Variants in SLCO2A1 observed in about 807,000 individuals in gnomAD.
SLCO2A1 encodes matrin F/G 1.
SLCO2A1 carries 60 observed loss-of-function variants against 71.7 expected under a neutral mutation model. The observed-to-expected ratio is 0.84, with a 90% CI of 0.68 to 1.04. The LOEUF (loss-of-function observed/expected upper bound fraction) is 1.04. Ranked by LOEUF, SLCO2A1 falls within the 50% of genes least tolerant of loss-of-function variation. The pLI is 0.00. For missense variants in SLCO2A1, 745 were observed against 813.4 expected, an observed-to-expected ratio of 0.92 and a Z score of 1.02; for synonymous variants, 308 against 326.7, an observed-to-expected ratio of 0.94 and a Z score of 0.62.
At chr3:134,023,485 T>G (rs932334973) in intron 1 of SLCO2A1, among the ~76,000 whole-genome samples, 1 of 152,194 alleles carries the variant, frequency 6.6e-6, no homozygotes, top group East Asian at 1.9e-4. Context: ...AGTAGGACCA[T>G]TTAATCTGGG....
intron 1 of SLCO2A1, among the ~76,000 whole-genome samples, chr3:134,008,367 T>A (rs1379869639): frequency 6.6e-6 from 1 of 152,148 alleles, no homozygotes; most frequent in East Asian, 1.9e-4. Flanking sequence ...AGGAGGTCAA[T>A]AAGAATAAAT....
At chr3:133,983,211 C>T (rs1403007672) in intron 1 of SLCO2A1, among the ~76,000 whole-genome samples, 1 of 152,124 alleles carries the variant, frequency 6.6e-6, no homozygotes, top group African/African-American at 2.4e-5. Flanking sequence ...TCCCTTGAGA[C>T]CCTTAGTACC....
At chr3:134,018,935 C>T (rs1037429215) in intron 1 of SLCO2A1, among the ~76,000 whole-genome samples, 1 of 152,160 alleles carries the variant, frequency 6.6e-6, no homozygotes, top group Admixed American at 6.5e-5. Context: ...ACATAAAACC[C>T]ACCTGAAAGC....
Position 133,948,967 on chromosome 3 carries a change from G to T in SLCO2A1, c.866C>A (p.Ala289Asp), listed in dbSNP as rs146348259. Residue 289 changes from alanine to aspartate, a missense_variant, in exon 7 of 14, where the codon GCT (alanine) becomes GAT (aspartate). By Grantham distance (126) the Ala-to-Asp change is moderately radical. Transcript: ENST00000310926. ...PRAMPIGAKR[A>D]PATADEARKL... ...CCTTGCTTCATCTGCTGTGGCAGGAGCCCTCTGAAGGCAATAAAAGGGGTG... is the reference window on the plus strand; with the variant it reads ...CCTTGCTTCATCTGCTGTGGCAGGATCCCTCTGAAGGCAATAAAAGGGGTG... 1 of 1,613,918 alleles carries T rather than the reference G, an allele frequency of 6.2e-7. No homozygotes were observed. The highest frequency in any genetic ancestry group is 1.3e-5 in the African/African-American group (1 of 75,026).
chr3:134,025,831 G>A lies in SLCO2A1; in HGVS notation c.96+3876C>T, dbSNP rs190219054. Among the ~76,000 whole-genome samples, 121 of 152,258 alleles carry A rather than the reference G, an allele frequency of 7.9e-4. 1 individual carries two copies. Among genetic ancestry groups the A allele is most frequent in the African/African-American group, 2.6e-3 (106 of 41,544 alleles). On this transcript the variant is annotated intron_variant, in intron 1 of 13. Coordinates refer to ENST00000310926, the MANE Select transcript of SLCO2A1 (RefSeq NM_005630.3). ...ATCAATGGGGCTGGACTGGATCCTC[G>A]AGTAAATATCTTGGTTTGAAGAGAA...
intron 1 of SLCO2A1, among the ~76,000 whole-genome samples, chr3:134,027,503 G>GC (rs1040851580): frequency 3.3e-5 from 5 of 152,210 alleles, no homozygotes; most frequent in African/African-American, 9.7e-5. Context: ...AGAGTTGTGA[G>GC]CCCTTAAAAA....
At chr3:133,978,909 T>C (rs1934520228) in intron 2 of SLCO2A1, among the ~76,000 whole-genome samples, 1 of 152,174 alleles carries the variant, frequency 6.6e-6, no homozygotes, top group Non-Finnish European at 1.5e-5. Context: ...CACTGAGGGA[T>C]GGCAGGAAAT....
chr3:134,004,382 T>C (rs1168168897), intron 1 of SLCO2A1, among the ~76,000 whole-genome samples: 1 of 152,258 alleles, frequency 6.6e-6, no homozygotes, highest in Non-Finnish European at 1.5e-5. Flanking sequence ...TCGCCCAGGC[T>C]GGAGTGCAAT....
intron 11 of SLCO2A1, among the ~76,000 whole-genome samples, chr3:133,939,905 T>A (rs1933370989): frequency 6.6e-6 from 1 of 151,708 alleles, no homozygotes; most frequent in Non-Finnish European, 1.5e-5. Flanking sequence ...TGTGTTCCCA[T>A]GGCTAATTGG....
chr3:134,017,966 G>C lies in SLCO2A1; in HGVS notation c.96+11741C>G, dbSNP rs146422347. ...AAGACAGTGATCAGAAAGAGGTGAG[G>C]TGAAATGAGCTATCTATACTGCGAA... On this transcript the variant is annotated intron_variant, in intron 1 of 13. Coordinates refer to ENST00000310926, the MANE Select transcript of SLCO2A1 (RefSeq NM_005630.3). Among the ~76,000 whole-genome samples the C allele has an allele frequency of 1.1e-4, 17 of 152,214 alleles. No homozygotes were observed. The East Asian group carries it at 3.3e-3, about 29-fold the overall frequency.
chr3:133,937,315 G>A (rs1054283006), intron 12 of SLCO2A1, among the ~76,000 whole-genome samples: 2 of 152,192 alleles, frequency 1.3e-5, no homozygotes, highest in African/African-American at 4.8e-5. Flanking sequence ...AGATCCTGCC[G>A]CCCTGCTTCC....
intron 8 of SLCO2A1, 33 bp downstream of exon 8, chr3:133,948,503 C>A: frequency 6.3e-7 from 1 of 1,593,692 alleles, no homozygotes; most frequent in South Asian, 1.2e-5. Flanking sequence ...CCCAGGCAAG[C>A]CCTGCGGATC....
At chr3:133,995,070 G>A (rs1005255890) in intron 1 of SLCO2A1, among the ~76,000 whole-genome samples, 1 of 152,030 alleles carries the variant, frequency 6.6e-6, no homozygotes, top group Non-Finnish European at 1.5e-5. Context: ...TCACAAGCTA[G>A]GTGCACCCGA....
chr3:133,979,881 G>A (rs1934547636), intron 1 of SLCO2A1, among the ~76,000 whole-genome samples: 2 of 152,188 alleles, frequency 1.3e-5, no homozygotes, highest in Admixed American at 6.5e-5. Context: ...TGAAACCACA[G>A]GGTGTTGAAG....
At chr3:134,023,373 G>A (rs1195102807) in intron 1 of SLCO2A1, among the ~76,000 whole-genome samples, 1 of 152,110 alleles carries the variant, frequency 6.6e-6, no homozygotes, top group Non-Finnish European at 1.5e-5. Flanking sequence ...TTTAATGCTT[G>A]CCTTGCTATA....
intron 1 of SLCO2A1, among the ~76,000 whole-genome samples, chr3:134,023,079 C>T (rs370124348): frequency 1.1e-4 from 17 of 152,224 alleles, no homozygotes; most frequent in South Asian, 4.1e-4. Context: ...GGGAAGGACC[C>T]TACCTTGTGC....
intron 4 of SLCO2A1, among the ~76,000 whole-genome samples, chr3:133,954,600 A>C (rs1351611728): frequency 6.6e-6 from 1 of 152,190 alleles, no homozygotes; most frequent in Non-Finnish European, 1.5e-5. Flanking sequence ...CTGTGCCTGA[A>C]GGACTAGTCA....
intron 12 of SLCO2A1, 36 bp from the exon 13 acceptor site, chr3:133,935,933 AC>A: frequency 6.5e-7 from 1 of 1,534,336 alleles, no homozygotes; most frequent in Non-Finnish European, 8.8e-7. Context: ...GTCAGGTGGA[AC>A]TGCAGGCAGA....
intron 1 of SLCO2A1, among the ~76,000 whole-genome samples, chr3:134,005,912 T>A (rs1455091100): frequency 6.6e-6 from 1 of 152,182 alleles, no homozygotes; most frequent in Non-Finnish European, 1.5e-5. Flanking sequence ...CCCTTCCTTT[T>A]CTAGGCTTTT....
Sources: gnomAD v4.1 joint callset for allele counts (sites outside exome capture counted in the v4.1 genomes callset) on GRCh38, gnomAD v4.1.1 for gene constraint, MANE v1.5 for transcripts, NCBI Gene and HGNC (gene_info 2026-07-23, HGNC 2026-07-21) for gene names.